Variants in NR1H4 observed in about 807,000 individuals in gnomAD.
NR1H4 encodes the protein nuclear receptor subfamily 1 group H member 4.
A neutral mutation model predicts 58.5 loss-of-function variants in NR1H4; 23 were observed. That is an observed-to-expected ratio of 0.39 (90% CI 0.28 to 0.56). NR1H4 has a LOEUF of 0.56. NR1H4 is among the 20% of genes least tolerant of loss of function. The pLI is 0.58. For missense variants in NR1H4, 487 were observed against 576.9 expected (o/e 0.84, Z 1.60); for synonymous variants, 214 against 198.0 (o/e 1.08, Z -0.68).
Position 100,563,659 on chromosome 12 carries a change from C to T in NR1H4, c.*170C>T, listed in dbSNP as rs1955523867. On this transcript the variant is annotated 3_prime_UTR_variant, in exon 11 of 11. Coordinates refer to ENST00000392986, the MANE Select transcript of NR1H4 (RefSeq NM_001206979.2). Reference sequence around the variant, plus strand: ...ACTGTAAATATTGGGCTAGATAGAACAACTTTCTCTACATTGTGTTTTAAA... The same window carrying T: ...ACTGTAAATATTGGGCTAGATAGAATAACTTTCTCTACATTGTGTTTTAAA... 3.2e-6 allele frequency: 2 copies of T among 633,196 alleles called. No homozygotes were observed. Among genetic ancestry groups the T allele is most frequent in the Non-Finnish European group, 5.6e-6 (2 of 358,422 alleles). 39.2% of individuals were successfully genotyped at this position (633,196 alleles called of 1,614,324 possible). A position where few individuals can be genotyped will look rare whatever the true frequency, so the allele number is the denominator to read the frequency against.
chr12:100,522,533 C>G (rs1215038343), intron 4 of NR1H4, among the ~76,000 whole-genome samples: 1 of 150,832 alleles, frequency 6.6e-6, no homozygotes, highest in Non-Finnish European at 1.5e-5. Context: ...ACCTGGCACT[C>G]TTTTTAAAAA....
chr12:100,512,779 A>G (rs999705170), intron 4 of NR1H4, among the ~76,000 whole-genome samples: 1 of 152,216 alleles, frequency 6.6e-6, no homozygotes, highest in African/African-American at 2.4e-5. Context: ...CATCTAGAAC[A>G]TTGAATACTG....
At chr12:100,483,768 G>A (rs997062055) in intron 1 of NR1H4, among the ~76,000 whole-genome samples, 2 of 152,268 alleles carry the variant, frequency 1.3e-5, no homozygotes, top group African/African-American at 2.4e-5. Flanking sequence ...TGGATCACTT[G>A]AGGTCAGGAG....
intron 4 of NR1H4, among the ~76,000 whole-genome samples, chr12:100,523,439 T>C (rs909327309): frequency 6.6e-6 from 1 of 152,208 alleles, no homozygotes; most frequent in African/African-American, 2.4e-5. Flanking sequence ...GAGTTTCTTA[T>C]AGATTCTGGA....
intron 4 of NR1H4, among the ~76,000 whole-genome samples, chr12:100,528,906 A>G (rs34124613): frequency 0.018 from 2,800 of 152,264 alleles, 69 homozygotes; most frequent in African/African-American, 0.055. Context: ...TTTAAAGGAA[A>G]TCATTCCTGG....
intron 9 of NR1H4, among the ~76,000 whole-genome samples, chr12:100,544,785 T>C (rs989664699): frequency 7.2e-5 from 11 of 152,180 alleles, no homozygotes; most frequent in African/African-American, 2.7e-4. Context: ...GAGTTGTTAA[T>C]GTCCAAAGCT....
intron 4 of NR1H4, among the ~76,000 whole-genome samples, chr12:100,515,673 G>A (rs919864037): frequency 2.0e-5 from 3 of 152,098 alleles, no homozygotes; most frequent in African/African-American, 4.8e-5. Flanking sequence ...AAAAAGTGTG[G>A]CACATAGTCA....
chr12:100,545,460 C>T (rs1426926929), intron 9 of NR1H4, among the ~76,000 whole-genome samples: 3 of 151,256 alleles, frequency 2.0e-5, no homozygotes, highest in Admixed American at 6.6e-5. Context: ...AGCCACAGAG[C>T]GAGACTCCAT....
intron 9 of NR1H4, among the ~76,000 whole-genome samples, chr12:100,559,900 A>G (rs1281973170): frequency 6.6e-6 from 1 of 152,136 alleles, no homozygotes; most frequent in Non-Finnish European, 1.5e-5. Flanking sequence ...TTATAAACAC[A>G]CCAATCAGCA....
rs143921674 is a variant in NR1H4, at chr12:100,505,290, G to C, written c.80-5488G>C. Among the ~76,000 whole-genome samples, 22 of 152,266 alleles carry C rather than the reference G, an allele frequency of 1.4e-4. No individual in the cohort carries two copies. In the East Asian group the frequency reaches 3.1e-3, roughly 21 times the overall value. On this transcript the variant is annotated intron_variant, in intron 3 of 10. Transcript: ENST00000392986. ...TTATGCAAACCTGATTTCCCATTTGGGGGTACAGTGGTTCTGGTCCCAAAC... is the reference window on the plus strand; with the variant it reads ...TTATGCAAACCTGATTTCCCATTTGCGGGTACAGTGGTTCTGGTCCCAAAC...
chr12:100,523,413 C>G (rs1467739943), intron 4 of NR1H4, among the ~76,000 whole-genome samples: 1 of 151,898 alleles, frequency 6.6e-6, no homozygotes, highest in Admixed American at 6.6e-5. Flanking sequence ...CTTGATTTTT[C>G]CCTTGCTGAT....
chr12:100,510,704 C>T, intron 3 of NR1H4, 74 bp from the exon 4 acceptor site: 2 of 1,550,716 alleles, frequency 1.3e-6, no homozygotes, highest in Non-Finnish European at 1.8e-6. Context: ...ACACTCCTAA[C>T]CATTACGCCA....
Position 100,536,526 on chromosome 12 carries a change from C to A in NR1H4, c.747C>A (p.Leu249=), listed in dbSNP as rs368856711. 1.4e-5 allele frequency: 23 copies of A among 1,607,200 alleles called. No homozygotes were observed. The African/African-American group carries it at 3.1e-4, about 22-fold the overall frequency. Residue 249 remains leucine, a synonymous_variant, in exon 7 of 11, where the codon CTC becomes CTA. Coordinates refer to ENST00000392986, the MANE Select transcript of NR1H4 (RefSeq NM_001206979.2). ...TGCCAGTGTAGGAGAAAACTGAACT[C>A]ACCCCAGATCAACAGACTCTTCTAC... ...TTKSCREKTE[L]TPDQQTLLHF...
At chr12:100,537,075 T>G in intron 8 of NR1H4, 28 bp downstream of exon 8, 1 of 1,368,314 alleles carries the variant, frequency 7.3e-7, no homozygotes, top group Non-Finnish European at 1.0e-6. Context: ...AAAGTTAATA[T>G]TTATTGAGAG....
chr12:100,517,047 A>T (rs569052617), intron 4 of NR1H4, among the ~76,000 whole-genome samples: 1 of 151,338 alleles, frequency 6.6e-6, no homozygotes, highest in African/African-American at 2.4e-5. Flanking sequence ...ATATTAAAAA[A>T]CCTCTCTTCT....
At chr12:100,477,382 T>C (rs1302101411) in intron 1 of NR1H4, among the ~76,000 whole-genome samples, 1 of 152,060 alleles carries the variant, frequency 6.6e-6, no homozygotes, top group Non-Finnish European at 1.5e-5. Context: ...TTAATTTTCA[T>C]TTTTTAATAT....
intron 3 of NR1H4, among the ~76,000 whole-genome samples, chr12:100,509,532 C>T (rs528661688): frequency 2.7e-4 from 41 of 152,246 alleles, no homozygotes; most frequent in African/African-American, 8.7e-4. Context: ...TTTAGCAAAG[C>T]ACTTGGCACA....
chr12:100,540,707 T>G lies in NR1H4; in HGVS notation c.967T>G (p.Leu323Val). The change falls in exon 9 of 11, where the codon TTG becomes GTG. Residue 323 changes from leucine (L) to valine (V), a missense_variant. Transcript: ENST00000392986. Reference sequence around the variant, plus strand: ...TTTGGACCATGAAGACCAGATTGCTTTGCTGAAAGGGTCTGCGGTTGAAGC... The same window carrying G: ...TTTGGACCATGAAGACCAGATTGCTGTGCTGAAAGGGTCTGCGGTTGAAGC... ...QTLDHEDQIALLKGSAVEAMF... is the reference protein window; with the variant it reads ...QTLDHEDQIAVLKGSAVEAMF... 1 of 1,614,210 alleles carries G rather than the reference T, an allele frequency of 6.2e-7. No homozygotes were observed. The highest frequency in any genetic ancestry group is 8.5e-7 in the Non-Finnish European group (1 of 1,180,022).
intron 9 of NR1H4, among the ~76,000 whole-genome samples, chr12:100,556,488 A>G (rs1018412713): frequency 6.6e-6 from 1 of 151,844 alleles, no homozygotes; most frequent in African/African-American, 2.4e-5. Flanking sequence ...AAAACAAAAA[A>G]CAAAAAACAA....
Sources: gnomAD v4.1 joint callset for allele counts (sites outside exome capture counted in the v4.1 genomes callset) on GRCh38, gnomAD v4.1.1 for gene constraint, MANE v1.5 for transcripts, NCBI Gene and HGNC (gene_info 2026-07-23, HGNC 2026-07-21) for gene names.